The following EXD3 variants were observed in gnomAD, a reference collection of about 807,000 sequenced individuals.
EXD3 encodes the protein exonuclease mut-7 homolog.
In EXD3, 92 loss-of-function variants were observed where a neutral mutation model predicts 98.0. The ratio of observed to expected loss-of-function variants is 0.94; its 90% CI spans 0.79 to 1.12. The LOEUF is 1.12. EXD3 is among the 50% of genes most tolerant of loss of function. The probability of loss-of-function intolerance (pLI) is 0.00; values close to 1 mark genes in which losing one functional copy is unlikely to be tolerated. For missense variants in EXD3, 1,222 were observed against 1,191.6 expected, an observed-to-expected ratio of 1.03 and a Z score of -0.38; for synonymous variants, 569 against 526.0, an observed-to-expected ratio of 1.08 and a Z score of -1.12.
chr9:137,352,498 G>T, intron 11 of EXD3, 122 bp downstream of exon 11: 1 of 1,085,992 alleles, frequency 9.2e-7, no homozygotes, highest in Non-Finnish European at 1.3e-6. Flanking sequence ...TGCGCTCTTT[G>T]TTTTGTCTTG....
rs1392700506 is a variant in EXD3, at chr9:137,307,183, C to T, written c.2398G>A (p.Glu800Lys). 2.3e-5 allele frequency: 36 copies of T among 1,585,324 alleles called. No homozygotes were observed. The highest frequency in any genetic ancestry group is 3.1e-5 in the Non-Finnish European group (36 of 1,167,274). ...RWLQMADLRA[E>K]TPDMLADGTR... ...CCGTCGGCCAGCATGTCCGGTGTCT[C>T]CGCCCGCAGGTCAGCCATCTGCAGC... Residue 800 changes from glutamate (E) to lysine (K), a missense_variant, in exon 22 of 22, where the codon GAG becomes AAG. Glu to Lys is a moderately conservative substitution (Grantham distance 56, BLOSUM62 1). Coordinates refer to ENST00000340951, the MANE Select transcript of EXD3 (RefSeq NM_017820.5).
intron 3 of EXD3, among the ~76,000 whole-genome samples, chr9:137,381,769 C>T (rs940135758): frequency 5.3e-5 from 8 of 152,342 alleles, no homozygotes; most frequent in Non-Finnish European, 1.2e-4. Context: ...ATGGGGGTCC[C>T]CAAGACCTCC....
chr9:137,414,560 T>C (rs1381246058), intron 1 of EXD3, among the ~76,000 whole-genome samples: 1 of 152,248 alleles, frequency 6.6e-6, no homozygotes, highest in Non-Finnish European at 1.5e-5. Flanking sequence ...CGTGCCATTT[T>C]ACGCTAGCAT....
intron 19 of EXD3, among the ~76,000 whole-genome samples, chr9:137,314,798 C>G (rs1194732864): frequency 6.6e-6 from 1 of 152,214 alleles, no homozygotes; most frequent in South Asian, 2.1e-4. Flanking sequence ...ACAGCCCTCA[C>G]CCCAGAGCCC....
intron 3 of EXD3, 95 bp downstream of exon 3, chr9:137,383,218 C>A: frequency 9.4e-7 from 1 of 1,060,328 alleles, no homozygotes; most frequent in East Asian, 2.6e-5. Context: ...TGTGCAGCTT[C>A]CTGACCAGGG....
intron 2 of EXD3, among the ~76,000 whole-genome samples, chr9:137,384,164 C>G (rs909342271): frequency 2.0e-5 from 3 of 152,194 alleles, no homozygotes; most frequent in African/African-American, 4.8e-5. Context: ...AGCTGCTGGG[C>G]CCCCCTGCAG....
At position 137,328,586 on chromosome 9, in the gene EXD3, ACGGGACTACACG is replaced by A. The variant is rs1832642993; in HGVS notation, c.1999-4455_1999-4444del. On this transcript the variant is annotated intron_variant, in intron 17 of 21. Transcript: ENST00000340951. ...AACAGACTAGTTACACAGGAGCTAC[ACGGGACTACACG>A]GGACTACACGGGGCTACACGGGACT... is the stretch of plus-strand genomic sequence containing the variant. Among the ~76,000 whole-genome samples the A allele has an allele frequency of 1.8e-3, 35 of 19,916 alleles. 1 individual carries two copies. The highest frequency in any genetic ancestry group is 7.3e-3 in the African/African-American group (33 of 4,544). The allele number at this position is 19,916 out of a possible 152,430, so 13.1% of individuals were successfully genotyped here.
At chr9:137,354,291 A>G in intron 10 of EXD3, 48 bp downstream of exon 10, 1 of 1,605,316 alleles carries the variant, frequency 6.2e-7, no homozygotes, top group Non-Finnish European at 8.5e-7. Flanking sequence ...CCCCTAGGAC[A>G]GCCGCCCAGG....
chr9:137,310,878 C>T (rs979235764), intron 19 of EXD3, among the ~76,000 whole-genome samples: 1 of 152,144 alleles, frequency 6.6e-6, no homozygotes, highest in Non-Finnish European at 1.5e-5. Context: ...AAGAGGAGGC[C>T]GAGATCCATG....
In EXD3 at chr9:137,405,204, C is replaced by A. The variant is rs1211297104; in HGVS notation, c.-47-9800G>T. Among the ~76,000 whole-genome samples the A allele has an allele frequency of 1.3e-5, 2 of 152,234 alleles. No homozygotes were observed. The highest frequency in any genetic ancestry group is 2.4e-5 in the African/African-American group (1 of 41,466). On this transcript the variant is annotated intron_variant, in intron 1 of 21. Coordinates refer to ENST00000340951, the MANE Select transcript of EXD3 (RefSeq NM_017820.5). This position sits in a 1 kb window ranked among gnomAD's most constrained non-coding sequence, Gnocchi z 4.1. ...ATCCGCACATCCCACCCTTGGACCT[C>A]CTAACTGCGCTGGGGTCCGGCACAG...
At chr9:137,376,570 C>T (rs1244611605) in intron 3 of EXD3, among the ~76,000 whole-genome samples, 2 of 152,000 alleles carry the variant, frequency 1.3e-5, no homozygotes, top group Admixed American at 1.3e-4. Flanking sequence ...GAGATGCCAA[C>T]TCAACTTCCA....
intron 2 of EXD3, among the ~76,000 whole-genome samples, chr9:137,387,493 G>A (rs565682781): frequency 1.3e-5 from 2 of 152,292 alleles, no homozygotes; most frequent in South Asian, 4.1e-4. Context: ...CTGGCTTCCT[G>A]TTCATACAAC....
chr9:137,368,738 G>C (rs193053448), intron 5 of EXD3, among the ~76,000 whole-genome samples: 30 of 152,142 alleles, frequency 2.0e-4, no homozygotes, highest in Non-Finnish European at 2.9e-4. Flanking sequence ...TGCGCAGGGT[G>C]GGGGCGCAGG....
At chr9:137,418,217 T>C (rs1003113215) in intron 1 of EXD3, among the ~76,000 whole-genome samples, 1 of 152,094 alleles carries the variant, frequency 6.6e-6, no homozygotes, top group Non-Finnish European at 1.5e-5. Context: ...CGTGGTGGCA[T>C]GCACCTGTAG....
chr9:137,419,860 C>T (rs1054483433), intron 1 of EXD3, among the ~76,000 whole-genome samples: 2 of 150,664 alleles, frequency 1.3e-5, no homozygotes, highest in Non-Finnish European at 3.0e-5. Context: ...GTTAACCCAA[C>T]ATCATACAGA....
Position 137,366,578 on chromosome 9 carries a change from C to G in EXD3, c.571G>C (p.Ala191Pro). 14 of 1,553,642 alleles carry G rather than the reference C, an allele frequency of 9.0e-6. No homozygotes were observed. The highest frequency in any genetic ancestry group is 1.2e-5 in the Non-Finnish European group (14 of 1,149,254). ...CTCCTCTGGAGGTCCGGGAAGCCGGCCACATAGCGCTCCACGAGGGCCACC... is the reference window on the plus strand; with the variant it reads ...CTCCTCTGGAGGTCCGGGAAGCCGGGCACATAGCGCTCCACGAGGGCCACC... Reference protein sequence around the residue: ...DKVALVERYVAGFPDLQRRLL... With the variant: ...DKVALVERYVPGFPDLQRRLL... The change falls in exon 7 of 22, where the codon GCC becomes CCC. Residue 191 changes from alanine to proline, a missense_variant. Physicochemically the swap from Ala to Pro is conservative, Grantham distance 27. Coordinates refer to ENST00000340951, the MANE Select transcript of EXD3 (RefSeq NM_017820.5).
rs149104555 is a variant in EXD3 at position 137,379,121 on chromosome 9, G to A, written c.120+4192C>T. Among the ~76,000 whole-genome samples, 1,122 of 114,640 alleles carry A rather than the reference G, an allele frequency of 9.8e-3. 58 individuals carry two copies. The highest frequency in any genetic ancestry group is 0.043 in the African/African-American group (1,044 of 24,532). 75.2% of individuals were successfully genotyped at this position (114,640 alleles called of 152,430 possible). ...ATTGCCTGTGGCCGAGGGGAATGGG[G>A]CATCTGTGTGAGGGGTACAGGGTTT... On this transcript the variant is annotated intron_variant, in intron 3 of 21. Transcript: ENST00000340951.
In EXD3 at chr9:137,403,985, A is replaced by C. The variant is rs909217298; in HGVS notation, c.-47-8581T>G. On this transcript the variant is annotated intron_variant, in intron 1 of 21. Coordinates refer to ENST00000340951, the MANE Select transcript of EXD3 (RefSeq NM_017820.5). The surrounding 1 kb of genome is among the most constrained non-coding windows in gnomAD (Gnocchi z 6.1). Reference sequence around the variant, plus strand: ...GCACCACACACAGGGCGCGAGTGACAGGGACGTGTGTCCTCACTGTCCCGA... The same window carrying C: ...GCACCACACACAGGGCGCGAGTGACCGGGACGTGTGTCCTCACTGTCCCGA... Among the ~76,000 whole-genome samples the C allele has an allele frequency of 5.7e-5, 8 of 140,226 alleles. No individual in the cohort carries two copies. The highest frequency in any genetic ancestry group is 2.1e-4 in the African/African-American group (8 of 37,814). The allele number at this position is 140,226 out of a possible 152,430, so 92.0% of individuals were successfully genotyped here.
chr9:137,334,052 A>G (rs941656498), intron 17 of EXD3, among the ~76,000 whole-genome samples: 1 of 151,610 alleles, frequency 6.6e-6, no homozygotes, highest in African/African-American at 2.4e-5. Context: ...ACCAGGCTGG[A>G]GTGCAGTGGC....
Sources: allele counts gnomAD v4.1 joint callset (sites outside exome capture counted in the v4.1 genomes callset), GRCh38; gene constraint gnomAD v4.1.1; non-coding constraint Gnocchi (gnomAD v3.1); transcripts MANE v1.5; gene names NCBI Gene and HGNC (gene_info 2026-07-23, HGNC 2026-07-21).